The following DOCK3 variants were observed in gnomAD, a reference collection of about 807,000 sequenced individuals.
DOCK3 encodes dedicator of cytokinesis 3.
DOCK3 carries 60 observed loss-of-function variants against 265.6 expected under a neutral mutation model. The ratio of observed to expected loss-of-function variants is 0.23; its 90% CI spans 0.18 to 0.28. The LOEUF is 0.28. Among genes scored for constraint, DOCK3 ranks in the 10% least tolerant of loss-of-function variants. DOCK3 has a pLI of 1.00. For synonymous variants in DOCK3, 881 were observed against 938.0 expected (o/e 0.94, Z 1.11); for missense variants, 1,981 against 2,594.3 (o/e 0.76, Z 5.14).
At chr3:51,304,272 C>T (rs1436774526) in intron 27 of DOCK3, among the ~76,000 whole-genome samples, 9 of 152,054 alleles carry the variant, frequency 5.9e-5, no homozygotes, top group Non-Finnish European at 8.8e-5. Flanking sequence ...AAACTGAAGA[C>T]TGGAGCTACA....
chr3:50,940,058 C>CACACACATACACAA (rs140665187), intron 5 of DOCK3, among the ~76,000 whole-genome samples: 3,117 of 151,250 alleles, frequency 0.021, 48 homozygotes, highest in Non-Finnish European at 0.031. Context: ...TACCCACAGA[C>CACACACATACACAA]ACACACATAC....
chr3:50,864,119 AT>A (rs2047035119), intron 3 of DOCK3, among the ~76,000 whole-genome samples: 1 of 152,026 alleles, frequency 6.6e-6, no homozygotes, highest in South Asian at 2.1e-4. Context: ...AGTATTTGTT[AT>A]TTTTTGTCTT....
chr3:50,787,048 A>G (rs1383881126), intron 2 of DOCK3: 1 of 738,132 alleles, frequency 1.4e-6, no homozygotes, highest in African/African-American at 1.7e-5. Flanking sequence ...TCTTTTCTTC[A>G]TATCCATGGA....
chr3:50,904,271 TA>T, intron 4 of DOCK3, among the ~76,000 whole-genome samples: 2 of 152,358 alleles, frequency 1.3e-5, no homozygotes, highest in Admixed American at 1.3e-4. Flanking sequence ...CCTTTGGGTA[TA>T]TACCCAGTAA....
At chr3:51,020,498 C>CT (rs1053234941) in intron 5 of DOCK3, among the ~76,000 whole-genome samples, 3 of 151,738 alleles carry the variant, frequency 2.0e-5, no homozygotes, top group Admixed American at 6.6e-5. Flanking sequence ...TCAATTTTTG[C>CT]TTTTTTTGCA....
intron 9 of DOCK3, among the ~76,000 whole-genome samples, chr3:51,106,885 G>A (rs9865532): frequency 0.76 from 115,304 of 152,176 alleles, 44,712 homozygotes; most frequent in Middle Eastern, 0.88. Flanking sequence ...CTGCATTGCC[G>A]CTGCCATTGG....
chr3:50,724,326 C>T (rs1191330284), intron 1 of DOCK3, among the ~76,000 whole-genome samples: 1 of 152,134 alleles, frequency 6.6e-6, no homozygotes, highest in East Asian at 1.9e-4. Flanking sequence ...CCATTTGACC[C>T]AGCAGTCCCA....
chr3:51,126,847 G>T (rs1163226564), intron 9 of DOCK3, among the ~76,000 whole-genome samples: 1 of 152,088 alleles, frequency 6.6e-6, no homozygotes, highest in Non-Finnish European at 1.5e-5. Flanking sequence ...TTGCTGTACA[G>T]ATTATTTCAT....
intron 9 of DOCK3, among the ~76,000 whole-genome samples, chr3:51,098,683 G>T (rs2082962954): frequency 6.6e-6 from 1 of 152,166 alleles, no homozygotes; most frequent in African/African-American, 2.4e-5. Context: ...ATTTAGTCTT[G>T]GTCCTTCGAC....
chr3:50,775,825 T>A (rs575531576), intron 1 of DOCK3, among the ~76,000 whole-genome samples: 1 of 132,616 alleles, frequency 7.5e-6, no homozygotes, highest in African/African-American at 2.7e-5. Context: ...CACTTATAGA[T>A]GAGAACATAT....
At chr3:51,185,133 C>A (rs1194930264) in intron 12 of DOCK3, among the ~76,000 whole-genome samples, 1 of 152,042 alleles carries the variant, frequency 6.6e-6, no homozygotes, top group Admixed American at 6.5e-5. Flanking sequence ...TGGATGAGAT[C>A]TTGGAGCAGA....
At chr3:51,149,610 G>A (rs1024259160) in intron 10 of DOCK3, among the ~76,000 whole-genome samples, 4 of 152,126 alleles carry the variant, frequency 2.6e-5, no homozygotes, top group Admixed American at 6.6e-5. Flanking sequence ...TGTGGTTTTT[G>A]TCATTGGTTC....
chr3:51,221,400 T>G (rs1475085054), intron 14 of DOCK3, among the ~76,000 whole-genome samples: 2 of 152,204 alleles, frequency 1.3e-5, no homozygotes, highest in Non-Finnish European at 2.9e-5. Context: ...AACAGCCTAT[T>G]TTTGTACTTC....
At chr3:50,794,524 G>A (rs1312272640) in intron 2 of DOCK3, among the ~76,000 whole-genome samples, 1 of 152,136 alleles carries the variant, frequency 6.6e-6, no homozygotes, top group Non-Finnish European at 1.5e-5. Context: ...TTGGTTTAAA[G>A]TCTGTTTTGT....
chr3:51,278,066 G>C, intron 26 of DOCK3: 2 of 985,440 alleles, frequency 2.0e-6, no homozygotes, highest in South Asian at 9.4e-5. Context: ...GATGTAGTAA[G>C]AGGTTGAAGG....
At chr3:51,159,326 C>A (rs1444711324) in intron 11 of DOCK3, 22 bp downstream of exon 11, 1 of 1,608,098 alleles carries the variant, frequency 6.2e-7, no homozygotes, top group Admixed American at 1.7e-5. Context: ...CTTACCCATT[C>A]ACATGACTAA....
At chr3:51,317,730 A>C (rs1381063277) in intron 32 of DOCK3, among the ~76,000 whole-genome samples, 1 of 151,698 alleles carries the variant, frequency 6.6e-6, no homozygotes, top group Non-Finnish European at 1.5e-5. Flanking sequence ...TCATTTCACA[A>C]TGTATACATA....
intron 12 of DOCK3, among the ~76,000 whole-genome samples, chr3:51,180,521 T>C (rs1430798945): frequency 6.6e-6 from 1 of 152,188 alleles, no homozygotes; most frequent in Non-Finnish European, 1.5e-5. Context: ...ACATCACTCC[T>C]GTCTGCTTCT....
At chr3:50,786,260 C>G (rs777872465) in intron 2 of DOCK3, among the ~76,000 whole-genome samples, 1 of 152,004 alleles carries the variant, frequency 6.6e-6, no homozygotes, top group African/African-American at 2.4e-5. Flanking sequence ...CTTTAATCAG[C>G]TGATATGAAA....
Sources: allele counts gnomAD v4.1 joint callset (sites outside exome capture counted in the v4.1 genomes callset), GRCh38; gene constraint gnomAD v4.1.1; transcripts MANE v1.5; gene names NCBI Gene and HGNC (gene_info 2026-07-23, HGNC 2026-07-21).